The following CORO2B variants were observed in gnomAD, a reference collection of about 807,000 sequenced individuals.
CORO2B encodes the protein coronin 2B, also known as coronin-2B.
CORO2B carries 26 observed loss-of-function variants against 58.8 expected under a neutral mutation model. The ratio of observed to expected loss-of-function variants is 0.44; its 90% CI spans 0.32 to 0.61. CORO2B has a LOEUF of 0.61. CORO2B is among the 20% of genes least tolerant of loss of function. The pLI, the probability that CORO2B is intolerant of heterozygous loss-of-function variation, is 0.04. For synonymous variants in CORO2B, 242 were observed against 253.8 expected (o/e 0.95, Z 0.44); for missense variants, 460 against 645.1 (o/e 0.71, Z 3.11).
Position 68,598,538 on chromosome 15 carries a change from C to T in CORO2B, c.15+19261C>T, listed in dbSNP as rs112152243. ...AACCTGAGAGAAGCCAGAAGGAGTT[C>T]ACACCCTAGACTAGAGAAGCCAGTC... On this transcript the variant is annotated intron_variant, in intron 1 of 11. Coordinates refer to ENST00000261861, the MANE Select transcript of CORO2B (RefSeq NM_006091.5). Among the ~76,000 whole-genome samples, 18 of 152,220 alleles carry T rather than the reference C, an allele frequency of 1.2e-4. 1 individual carries two copies. The highest frequency in any genetic ancestry group is 4.3e-4 in the African/African-American group (18 of 41,476).
intron 2 of CORO2B, among the ~76,000 whole-genome samples, chr15:68,651,325 G>A (rs1003285640): frequency 6.6e-6 from 1 of 152,240 alleles, no homozygotes; most frequent in Non-Finnish European, 1.5e-5. Flanking sequence ...GGTGCAGGGG[G>A]TGCGGGGAGA....
At chr15:68,529,158 G>A in the CORO2B span, among the ~76,000 whole-genome samples, 2 of 152,052 alleles carry the variant, frequency 1.3e-5, no homozygotes, top group Non-Finnish European at 2.9e-5. Context: ...GCAGGCTGGG[G>A]TTTTATTCCC....
At chr15:68,553,825 C>T in the CORO2B span, among the ~76,000 whole-genome samples, 22 of 151,958 alleles carry the variant, frequency 1.4e-4, no homozygotes, top group Non-Finnish European at 2.6e-4. Flanking sequence ...AGGAAGGAGG[C>T]GAGGGCAGGG....
Position 68,712,797 on chromosome 15 carries a change from C to T in CORO2B, c.648+1091C>T, listed in dbSNP as rs540344825. ...GATACGTGAGAACACTTAACCTTAG[C>T]GAAGTTGGGAGACTCGAATCTCACA... On this transcript the variant is annotated intron_variant, in intron 5 of 11. Transcript: ENST00000261861. Among the ~76,000 whole-genome samples, 8 of 152,112 alleles carry T rather than the reference C, an allele frequency of 5.3e-5. No individual in the cohort carries two copies. The East Asian group carries it at 1.6e-3, about 30-fold the overall frequency.
At chr15:68,521,332 A>C in the CORO2B span, among the ~76,000 whole-genome samples, 2 of 152,214 alleles carry the variant, frequency 1.3e-5, no homozygotes, top group African/African-American at 4.8e-5. Flanking sequence ...ATCTAATATA[A>C]AGTAGTACTT....
chr15:68,596,364 G>A (rs533435178), intron 1 of CORO2B, among the ~76,000 whole-genome samples: 138 of 151,300 alleles, frequency 9.1e-4, no homozygotes, highest in African/African-American at 2.6e-3. Context: ...TGGGGGGTAG[G>A]GGGTGGGGGT....
chr15:68,691,789 G>A (rs888202661), intron 2 of CORO2B, among the ~76,000 whole-genome samples: 4 of 152,176 alleles, frequency 2.6e-5, no homozygotes, highest in African/African-American at 9.6e-5. Flanking sequence ...AGGTTCCGGT[G>A]ATGTTGCCTA....
At chr15:68,718,242 G>A (rs1412446978) in intron 8 of CORO2B, among the ~76,000 whole-genome samples, 4 of 152,192 alleles carry the variant, frequency 2.6e-5, no homozygotes, top group African/African-American at 4.8e-5. Flanking sequence ...GGGTGTATGG[G>A]GAATGGCCTC....
At chr15:68,695,782 T>C (rs1342956801) in intron 3 of CORO2B, among the ~76,000 whole-genome samples, 4 of 151,988 alleles carry the variant, frequency 2.6e-5, no homozygotes, top group African/African-American at 4.8e-5. Context: ...TTGAACTCCA[T>C]GTGTCCCACC....
At chr15:68,603,767 C>T (rs560802172) in intron 1 of CORO2B, among the ~76,000 whole-genome samples, 1 of 152,176 alleles carries the variant, frequency 6.6e-6, no homozygotes, top group African/African-American at 2.4e-5. Flanking sequence ...CCTGCTGGAC[C>T]TTGATGTTGG....
At chr15:68,561,001 G>A in the CORO2B span, among the ~76,000 whole-genome samples, 10 of 152,104 alleles carry the variant, frequency 6.6e-5, no homozygotes, top group Non-Finnish European at 4.4e-5. Context: ...AATTTAGGAG[G>A]GGCCATATTT....
intron 3 of CORO2B, 145 bp downstream of exon 3, chr15:68,695,401 G>T (rs34454913): frequency 0.7 from 450,643 of 646,238 alleles, 161,617 homozygotes; most frequent in East Asian, 0.83. Flanking sequence ...CCACGATGTG[G>T]GGGGGATGGG....
rs557291998 is a variant in CORO2B at position 68,703,902 on chromosome 15, A to T, written c.334-6830A>T. Among the ~76,000 whole-genome samples the T allele has an allele frequency of 4.6e-5, 7 of 152,220 alleles. No individual in the cohort carries two copies. In the South Asian group the frequency reaches 1.5e-3, roughly 32 times the overall value. On this transcript the variant is annotated intron_variant, in intron 3 of 11. Coordinates refer to ENST00000261861, the MANE Select transcript of CORO2B (RefSeq NM_006091.5). Reference sequence around the variant, plus strand: ...AGCGGGCAACAAAGTGCACATGAAAAATATAACTTGGCCAGGCTCGGTGGC... The same window carrying T: ...AGCGGGCAACAAAGTGCACATGAAATATATAACTTGGCCAGGCTCGGTGGC...
At chr15:68,557,955 C>T in the CORO2B span, among the ~76,000 whole-genome samples, 1 of 152,184 alleles carries the variant, frequency 6.6e-6, no homozygotes, top group African/African-American at 2.4e-5. Flanking sequence ...AGTTAGACTT[C>T]GGAAGGCCAC....
At chr15:68,622,030 C>G (rs890626850) in intron 1 of CORO2B, among the ~76,000 whole-genome samples, 1 of 152,122 alleles carries the variant, frequency 6.6e-6, no homozygotes, top group African/African-American at 2.4e-5. Flanking sequence ...AGTGATCTCC[C>G]GATCCAAAGT....
At chr15:68,556,146 G>A in the CORO2B span, among the ~76,000 whole-genome samples, 2 of 152,214 alleles carry the variant, frequency 1.3e-5, no homozygotes, top group South Asian at 4.1e-4. Flanking sequence ...AGCAGAGAAG[G>A]GAGAGCCACT....
Position 68,618,915 on chromosome 15 carries a change from C to T in CORO2B, c.16-26245C>T, listed in dbSNP as rs1045042642. On this transcript the variant is annotated intron_variant, in intron 1 of 11. Transcript: ENST00000261861. ...CTGTAGGGAAGAGGAAAACATTTTG[C>T]GATTTTGAGAAAGGGAAGTGACGTG... Among the ~76,000 whole-genome samples, 6 of 152,028 alleles carry T rather than the reference C, an allele frequency of 3.9e-5. No homozygotes were observed. In the East Asian group the frequency reaches 7.7e-4, roughly 20 times the overall value.
At chr15:68,619,747 G>T (rs8025344) in intron 1 of CORO2B, among the ~76,000 whole-genome samples, 14,359 of 150,856 alleles carry the variant, frequency 0.095, 1,021 homozygotes, top group African/African-American at 0.21. Context: ...ATATGAGTGC[G>T]TGCATGCGTG....
At chr15:68,682,576 A>T (rs1211375894) in intron 2 of CORO2B, among the ~76,000 whole-genome samples, 2 of 152,116 alleles carry the variant, frequency 1.3e-5, no homozygotes, top group Non-Finnish European at 2.9e-5. Flanking sequence ...TGTGCTGAGG[A>T]CTGCTGGGCT....
Sources: allele counts gnomAD v4.1 joint callset (sites outside exome capture counted in the v4.1 genomes callset), GRCh38; gene constraint gnomAD v4.1.1; transcripts MANE v1.5; gene names NCBI Gene and HGNC (gene_info 2026-07-23, HGNC 2026-07-21).